Variants in FER observed in about 807,000 individuals in gnomAD.
FER encodes tyrosine-protein kinase Fer.
A neutral mutation model predicts 111.0 loss-of-function variants in FER; 63 were observed. The observed-to-expected ratio is 0.57, with a 90% CI of 0.46 to 0.70. The LOEUF (loss-of-function observed/expected upper bound fraction) is 0.70, where lower values mean the gene tolerates loss of function less well. FER is among the 30% of genes least tolerant of loss of function. The pLI is 0.00. For missense variants in FER, 914 were observed against 954.0 expected (o/e 0.96, Z 0.55); for synonymous variants, 327 against 313.9 (o/e 1.04, Z -0.44).
intron 1 of FER, among the ~76,000 whole-genome samples, chr5:108,755,555 G>A (rs531540972): frequency 6.6e-6 from 1 of 152,072 alleles, no homozygotes; most frequent in Admixed American, 6.5e-5. Flanking sequence ...GCACAATCTC[G>A]GCTCACCGCA....
intron 13 of FER, among the ~76,000 whole-genome samples, chr5:109,010,399 C>T (rs980102334): frequency 1.1e-4 from 16 of 151,980 alleles, no homozygotes; most frequent in Non-Finnish European, 1.6e-4. Context: ...CCTCGTGATC[C>T]GCCCGCCTCG....
Position 108,884,512 on chromosome 5 carries a change from G to T in FER, c.1046+994G>T, listed in dbSNP as rs559888818. 1.5e-3 allele frequency among the ~76,000 whole-genome samples: 210 copies of T among 144,592 alleles called. 1 individual carries two copies. The highest frequency in any genetic ancestry group is 4.5e-3 in the African/African-American group (174 of 39,064). 94.9% of individuals were successfully genotyped at this position (144,592 alleles called of 152,430 possible). ...GTCCTAAGTTCATTTCTTATGCCTG[G>T]TTTTTTTTTTGTTTGTTTGTTTGTT... is the stretch of plus-strand genomic sequence containing the variant. On this transcript the variant is annotated intron_variant, in intron 9 of 19. Transcript: ENST00000281092.
chr5:108,911,583 T>A (rs934849854), intron 10 of FER, among the ~76,000 whole-genome samples: 1 of 152,204 alleles, frequency 6.6e-6, no homozygotes, highest in Non-Finnish European at 1.5e-5. Context: ...TCTTCTGGAA[T>A]TTTTATAGTT....
At chr5:109,012,655 A>G (rs568287976) in intron 13 of FER, among the ~76,000 whole-genome samples, 45 of 152,350 alleles carry the variant, frequency 3.0e-4, no homozygotes, top group Non-Finnish European at 5.3e-4. Flanking sequence ...TTGATATTGG[A>G]GAGTTTTGTT....
intron 5 of FER, among the ~76,000 whole-genome samples, chr5:108,863,098 C>T (rs975951914): frequency 5.9e-5 from 9 of 152,074 alleles, no homozygotes; most frequent in African/African-American, 2.2e-4. Flanking sequence ...GTGGGCTGGC[C>T]ATAGATATGT....
At chr5:109,066,178 A>G (rs1775069828) in intron 16 of FER, among the ~76,000 whole-genome samples, 1 of 152,188 alleles carries the variant, frequency 6.6e-6, no homozygotes, top group African/African-American at 2.4e-5. Flanking sequence ...ATTGATAAAG[A>G]CTTCAAAATG....
At chr5:109,027,475 T>A (rs979063395) in intron 13 of FER, among the ~76,000 whole-genome samples, 1 of 152,212 alleles carries the variant, frequency 6.6e-6, no homozygotes, top group Non-Finnish European at 1.5e-5. Context: ...TATTTTCTTT[T>A]GGTGGGCATT....
At chr5:109,183,028 G>C (rs566050358) in intron 18 of FER, among the ~76,000 whole-genome samples, 1 of 152,266 alleles carries the variant, frequency 6.6e-6, no homozygotes, top group Admixed American at 6.5e-5. Flanking sequence ...TTGATCTAGA[G>C]TGAGGGACTT....
At chr5:108,932,515 A>G (rs1043491117) in intron 10 of FER, among the ~76,000 whole-genome samples, 4 of 152,198 alleles carry the variant, frequency 2.6e-5, no homozygotes, top group Non-Finnish European at 5.9e-5. Context: ...AGAATGATTT[A>G]TAATCCTTTG....
chr5:109,119,845 C>T (rs1008392395), intron 17 of FER, among the ~76,000 whole-genome samples: 7 of 151,842 alleles, frequency 4.6e-5, no homozygotes, highest in African/African-American at 1.7e-4. Context: ...CTCATTTTAG[C>T]TTTGATTTGC....
chr5:108,998,994 A>G (rs1357312040), intron 13 of FER, among the ~76,000 whole-genome samples: 1 of 152,242 alleles, frequency 6.6e-6, no homozygotes, highest in Non-Finnish European at 1.5e-5. Flanking sequence ...AAACATGAAA[A>G]AATACAGAGA....
intron 10 of FER, among the ~76,000 whole-genome samples, chr5:108,943,357 G>T (rs1007006720): frequency 6.6e-6 from 1 of 152,142 alleles, no homozygotes; most frequent in African/African-American, 2.4e-5. Context: ...TGAGTAATTT[G>T]CTCAGACTCA....
intron 5 of FER, among the ~76,000 whole-genome samples, chr5:108,838,831 A>C (rs1206766245): frequency 6.6e-6 from 1 of 152,192 alleles, no homozygotes; most frequent in Non-Finnish European, 1.5e-5. Flanking sequence ...CTTAAACATT[A>C]AATGTGCATT....
chr5:109,138,567 C>CT (rs1208875646), intron 17 of FER, among the ~76,000 whole-genome samples: 2 of 152,136 alleles, frequency 1.3e-5, no homozygotes, highest in Non-Finnish European at 2.9e-5. Flanking sequence ...AGGCCTTAGA[C>CT]TTAGTTACTC....
intron 19 of FER, among the ~76,000 whole-genome samples, chr5:109,186,598 G>A (rs1403490788): frequency 6.6e-6 from 1 of 152,164 alleles, no homozygotes; most frequent in Non-Finnish European, 1.5e-5. Context: ...GTCGTTAAGA[G>A]AAATAGGGTG....
At chr5:108,828,167 G>A (rs557915559) in intron 3 of FER, among the ~76,000 whole-genome samples, 1 of 152,002 alleles carries the variant, frequency 6.6e-6, no homozygotes, top group African/African-American at 2.4e-5. Flanking sequence ...ACTGCTCCTG[G>A]CCTCATTTGT....
intron 9 of FER, among the ~76,000 whole-genome samples, chr5:108,892,427 C>A (rs533862745): frequency 0.014 from 2,141 of 152,264 alleles, 44 homozygotes; most frequent in African/African-American, 0.049. Flanking sequence ...TGATGATGAG[C>A]ATTTTTTTCA....
chr5:109,003,197 G>A (rs1765034795), intron 13 of FER, among the ~76,000 whole-genome samples: 1 of 152,220 alleles, frequency 6.6e-6, no homozygotes, highest in African/African-American at 2.4e-5. Context: ...ATTCACAATA[G>A]CAAAGACTTG....
chr5:108,910,556 G>C (rs1447261499), intron 10 of FER, among the ~76,000 whole-genome samples: 5 of 152,000 alleles, frequency 3.3e-5, no homozygotes, highest in African/African-American at 4.8e-5. Flanking sequence ...ATAATGGTGG[G>C]GTTTGGGCTT....
Sources: gnomAD v4.1 joint callset for allele counts (sites outside exome capture counted in the v4.1 genomes callset) on GRCh38, gnomAD v4.1.1 for gene constraint, MANE v1.5 for transcripts, NCBI Gene and HGNC (gene_info 2026-07-23, HGNC 2026-07-21) for gene names.